The following TWSG1 variants were observed in gnomAD, a reference collection of about 807,000 sequenced individuals.
TWSG1 encodes twisted gastrulation BMP signaling modulator 1, also known as twisted gastrulation protein homolog 1.
Under a neutral mutation model 23.0 loss-of-function variants are expected in TWSG1, and 15 were observed. That is an observed-to-expected ratio of 0.65 (90% CI 0.44 to 1.00). The LOEUF (loss-of-function observed/expected upper bound fraction) is 1.00. TWSG1 is among the 50% of genes least tolerant of loss of function. The pLI is 0.00. For missense variants in TWSG1, 242 were observed against 278.7 expected (o/e 0.87, Z 0.94); for synonymous variants, 86 against 92.8 (o/e 0.93, Z 0.42).
intron 3 of TWSG1, among the ~76,000 whole-genome samples, chr18:9,369,353 C>G (rs1449701989): frequency 6.6e-6 from 1 of 152,028 alleles, no homozygotes. Flanking sequence ...ACTGCAGCCT[C>G]CACCTCCCAG....
intron 2 of TWSG1, among the ~76,000 whole-genome samples, chr18:9,356,892 A>G (rs1351097835): frequency 6.6e-6 from 1 of 151,128 alleles, no homozygotes; most frequent in Non-Finnish European, 1.5e-5. Flanking sequence ...TAGTGAAAGG[A>G]TATTTTCTAC....
chr18:9,392,986 T>C (rs974734466), intron 3 of TWSG1, among the ~76,000 whole-genome samples: 4 of 152,208 alleles, frequency 2.6e-5, no homozygotes, highest in Admixed American at 6.5e-5. Flanking sequence ...TTCCTGCTGC[T>C]GCAAGACAAT....
chr18:9,353,863 A>ATCC (rs1380682754), intron 2 of TWSG1, among the ~76,000 whole-genome samples: 1 of 152,234 alleles, frequency 6.6e-6, no homozygotes, highest in Non-Finnish European at 1.5e-5. Flanking sequence ...AACAAAAAAA[A>ATCC]TTAAGTATTG....
chr18:9,398,598 C>CA (rs1357293738), intron 4 of TWSG1, among the ~76,000 whole-genome samples: 1 of 151,974 alleles, frequency 6.6e-6, no homozygotes. Flanking sequence ...GCTGGGGTTA[C>CA]AGGTACCCAC....
intron 4 of TWSG1, among the ~76,000 whole-genome samples, chr18:9,398,774 G>A (rs8085686): frequency 0.99 from 150,291 of 152,260 alleles, 74,219 homozygotes; most frequent in Middle Eastern, 1. Flanking sequence ...TTGCAGTTCT[G>A]TTTGTTGTCT....
chr18:9,343,113 A>G (rs2040453480), intron 2 of TWSG1, among the ~76,000 whole-genome samples: 1 of 151,260 alleles, frequency 6.6e-6, no homozygotes, highest in Non-Finnish European at 1.5e-5. Context: ...TGTTGAGTCT[A>G]GTGTTGGTCT....
chr18:9,338,085 C>T (rs956284907), intron 2 of TWSG1, among the ~76,000 whole-genome samples: 3 of 152,186 alleles, frequency 2.0e-5, no homozygotes, highest in African/African-American at 7.2e-5. Flanking sequence ...AGGCTGTGCA[C>T]TCAGAAATTC....
chr18:9,358,391 G>T (rs929432526), intron 2 of TWSG1, among the ~76,000 whole-genome samples: 2 of 152,104 alleles, frequency 1.3e-5, no homozygotes, highest in East Asian at 3.9e-4. Flanking sequence ...TGATTGACCA[G>T]CTACAGTCTG....
chr18:9,375,806 C>T (rs2040627598), intron 3 of TWSG1, among the ~76,000 whole-genome samples: 1 of 152,154 alleles, frequency 6.6e-6, no homozygotes, highest in South Asian at 2.1e-4. Context: ...AGGAAAACTA[C>T]AGTAATCTCA....
At chr18:9,337,166 G>T in intron 1 of TWSG1, 27 bp from the exon 2 acceptor site, 1 of 1,588,496 alleles carries the variant, frequency 6.3e-7, no homozygotes, top group East Asian at 2.2e-5. Flanking sequence ...ACTTGCCTTT[G>T]AATTAAAGTT....
intron 1 of TWSG1, among the ~76,000 whole-genome samples, chr18:9,335,957 A>G (rs1472243421): frequency 6.6e-6 from 1 of 152,156 alleles, no homozygotes; most frequent in Non-Finnish European, 1.5e-5. Context: ...AAGAAATGAT[A>G]TCTTCCCGTA....
At chr18:9,378,235 A>G (rs146152184) in intron 3 of TWSG1, among the ~76,000 whole-genome samples, 3,963 of 152,290 alleles carry the variant, frequency 0.026, 153 homozygotes, top group African/African-American at 0.092. Context: ...CACCACTCCT[A>G]TTCAATATAG....
chr18:9,354,950 G>A (rs1371894901), intron 2 of TWSG1, among the ~76,000 whole-genome samples: 2 of 151,822 alleles, frequency 1.3e-5, no homozygotes, highest in Non-Finnish European at 2.9e-5. Flanking sequence ...AAACAGCTAG[G>A]GGTAAAGTTT....
chr18:9,351,288 C>T (rs1019302176), intron 2 of TWSG1, among the ~76,000 whole-genome samples: 2 of 151,896 alleles, frequency 1.3e-5, no homozygotes, highest in East Asian at 1.9e-4. Flanking sequence ...AAGAGTAAAA[C>T]GTTCTTAGTC....
chr18:9,389,102 G>A (rs1203631797), intron 3 of TWSG1, among the ~76,000 whole-genome samples: 3 of 151,838 alleles, frequency 2.0e-5, no homozygotes, highest in African/African-American at 4.8e-5. Context: ...TCAGCCTCCC[G>A]AGTAGCTGGG....
intron 3 of TWSG1, among the ~76,000 whole-genome samples, chr18:9,377,442 CT>C (rs143198425): frequency 0.091 from 13,774 of 152,086 alleles, 707 homozygotes; most frequent in African/African-American, 0.1. Flanking sequence ...TGGTCTCGAA[CT>C]CCTGACCTCA....
chr18:9,358,945 T>C (rs2040539763), intron 2 of TWSG1, among the ~76,000 whole-genome samples: 1 of 152,090 alleles, frequency 6.6e-6, no homozygotes, highest in Non-Finnish European at 1.5e-5. Flanking sequence ...TCCATTTCAG[T>C]TGGGTTTGTT....
At chr18:9,390,835 G>C (rs1013550994) in intron 3 of TWSG1, among the ~76,000 whole-genome samples, 2 of 152,100 alleles carry the variant, frequency 1.3e-5, no homozygotes, top group African/African-American at 2.4e-5. Flanking sequence ...ATCATAGTGA[G>C]ACCCCATCTC....
intron 1 of TWSG1, among the ~76,000 whole-genome samples, chr18:9,336,032 CCTT>C (rs1367340867): frequency 6.6e-6 from 1 of 152,032 alleles, no homozygotes; most frequent in Non-Finnish European, 1.5e-5. Flanking sequence ...AGTCTTTTTT[CCTT>C]CTTCTTTTTG....
Sources: allele counts gnomAD v4.1 joint callset (sites outside exome capture counted in the v4.1 genomes callset), GRCh38; gene constraint gnomAD v4.1.1; transcripts MANE v1.5; gene names NCBI Gene and HGNC (gene_info 2026-07-23, HGNC 2026-07-21).